CEP89: variants seen among roughly 807,000 people sequenced by gnomAD.
The protein encoded by CEP89 is centrosomal protein 89, also known as centrosomal protein of 89 kDa.
A neutral mutation model predicts 97.6 loss-of-function variants in CEP89; 95 were observed. The observed-to-expected ratio is 0.97, with a 90% CI of 0.82 to 1.15. CEP89 has a LOEUF of 1.15. Ranked by LOEUF, CEP89 falls within the 50% of genes most tolerant of loss-of-function variation. The probability of loss-of-function intolerance (pLI) is 0.00; values close to 1 mark genes in which losing one functional copy is unlikely to be tolerated. For missense variants in CEP89, 869 were observed against 947.7 expected (o/e 0.92, Z 1.09); for synonymous variants, 354 against 349.1 (o/e 1.01, Z -0.16).
intron 14 of CEP89, among the ~76,000 whole-genome samples, chr19:32,914,377 G>A (rs543256746): frequency 2.0e-5 from 3 of 151,896 alleles, no homozygotes; most frequent in East Asian, 1.9e-4. Flanking sequence ...CTGCAGCCTC[G>A]ATCTCCCATG....
intron 8 of CEP89, among the ~76,000 whole-genome samples, chr19:32,932,367 G>A (rs995959330): frequency 2.0e-5 from 3 of 151,500 alleles, no homozygotes; most frequent in African/African-American, 4.9e-5. Context: ...AATTATGCAG[G>A]GTCTATGTGA....
intron 5 of CEP89, among the ~76,000 whole-genome samples, chr19:32,940,577 T>G (rs7250603): frequency 0.36 from 54,046 of 152,008 alleles, 9,819 homozygotes; most frequent in Admixed American, 0.48. Context: ...CCTAGATGCA[T>G]CATCCAACCT....
intron 14 of CEP89, among the ~76,000 whole-genome samples, chr19:32,903,672 T>C (rs377168812): frequency 1.3e-5 from 2 of 152,174 alleles, no homozygotes; most frequent in Non-Finnish European, 2.9e-5. Context: ...CACTGTCTGA[T>C]TGAAGCCCAG....
chr19:32,899,279 T>A (rs1187472057), intron 16 of CEP89, among the ~76,000 whole-genome samples: 2 of 152,010 alleles, frequency 1.3e-5, no homozygotes, highest in African/African-American at 4.8e-5. Flanking sequence ...TACAGGTGCA[T>A]GCCACCATGC....
At chr19:32,916,119 A>C (rs2145908195) in intron 13 of CEP89, among the ~76,000 whole-genome samples, 1 of 151,792 alleles carries the variant, frequency 6.6e-6, no homozygotes, top group Non-Finnish European at 1.5e-5. Flanking sequence ...TCTACATAAA[A>C]ATTTAAAAAT....
intron 14 of CEP89, among the ~76,000 whole-genome samples, chr19:32,911,261 GC>G (rs1205084630): frequency 6.6e-6 from 1 of 152,204 alleles, no homozygotes; most frequent in African/African-American, 2.4e-5. Flanking sequence ...TTATGACACT[GC>G]CACAAAAACA....
Position 32,876,631 on chromosome 19 carries a change from C to G in CEP89, c.*2531G>C, listed in dbSNP as rs1969183321. 1 of 152,460 alleles carries G rather than the reference C, an allele frequency of 6.6e-6. No homozygotes were observed. The highest frequency in any genetic ancestry group is 2.1e-4 in the South Asian group (1 of 4,828). The allele number at this position is 152,460 out of a possible 1,614,324, so 9.4% of individuals were successfully genotyped here. On this transcript the variant is annotated 3_prime_UTR_variant, in exon 19 of 19. Transcript: ENST00000305768. Reference sequence around the variant, plus strand: ...CGTGCCAGTTCCTCCCAGAAGCACCCCAATGTTTCTGTCCTTTCCTGGAAT... The same window carrying G: ...CGTGCCAGTTCCTCCCAGAAGCACCGCAATGTTTCTGTCCTTTCCTGGAAT...
chr19:32,956,896 CTTAT>C (rs1329801708), intron 3 of CEP89, among the ~76,000 whole-genome samples: 2 of 152,088 alleles, frequency 1.3e-5, no homozygotes, highest in Admixed American at 6.6e-5. Flanking sequence ...ATTTCACAGT[CTTAT>C]TTGTGTGTCT....
chr19:32,939,835 T>A, intron 6 of CEP89, 22 bp downstream of exon 6: 1 of 1,104,206 alleles, frequency 9.1e-7, no homozygotes, highest in Non-Finnish European at 1.3e-6. Flanking sequence ...AGAAAATCAG[T>A]TTTTAAAAAA....
intron 14 of CEP89, among the ~76,000 whole-genome samples, chr19:32,904,226 G>A (rs900076943): frequency 6.6e-6 from 1 of 152,204 alleles, no homozygotes; most frequent in Non-Finnish European, 1.5e-5. Flanking sequence ...CTGAAAAACA[G>A]TGACAATGAA....
chr19:32,951,841 A>G (rs1465001868), intron 4 of CEP89, among the ~76,000 whole-genome samples: 1 of 152,196 alleles, frequency 6.6e-6, no homozygotes, highest in Non-Finnish European at 1.5e-5. Context: ...TAGCAAGGAA[A>G]GAGTCTCTGT....
At chr19:32,926,786 C>G in intron 10 of CEP89, 148 bp downstream of exon 10, 2 of 662,682 alleles carry the variant, frequency 3.0e-6, no homozygotes, top group South Asian at 3.7e-5. Flanking sequence ...GGTCTTGAAC[C>G]CTTGACCTCA....
intron 6 of CEP89, among the ~76,000 whole-genome samples, chr19:32,938,908 C>A (rs1332050905): frequency 1.3e-5 from 2 of 152,148 alleles, no homozygotes; most frequent in African/African-American, 4.8e-5. Context: ...CGAGACTGCG[C>A]CACTGCACTC....
At chr19:32,971,658 T>TAAAA (rs34358164) in intron 1 of CEP89, 178 bp downstream of exon 1, 5 of 590,606 alleles carry the variant, frequency 8.5e-6, no homozygotes, top group African/African-American at 6.1e-5. Context: ...CCCTGTTTCT[T>TAAAA]AAAAAAAAAA....
At chr19:32,919,946 G>A (rs533474277) in intron 12 of CEP89, among the ~76,000 whole-genome samples, 9 of 152,050 alleles carry the variant, frequency 5.9e-5, no homozygotes, top group East Asian at 1.9e-4. Flanking sequence ...ATGCCCAGCC[G>A]CATTTTGGAC....
chr19:32,885,439 G>A (rs1206258643), intron 17 of CEP89, among the ~76,000 whole-genome samples: 1 of 152,170 alleles, frequency 6.6e-6, no homozygotes, highest in Non-Finnish European at 1.5e-5. Context: ...TCCCACCTCA[G>A]CCTCCCGAGT....
chr19:32,878,747 A>C lies in CEP89; in HGVS notation c.*415T>G. ...CTTTGGGAGGCCAAGGCAGGAGGACAGATTGAGGCCAGGAGTTCAAGACCA... is the reference window on the plus strand; with the variant it reads ...CTTTGGGAGGCCAAGGCAGGAGGACCGATTGAGGCCAGGAGTTCAAGACCA... On this transcript the variant is annotated 3_prime_UTR_variant, in exon 19 of 19. Coordinates refer to ENST00000305768, the MANE Select transcript of CEP89 (RefSeq NM_032816.5). 6.4e-6 allele frequency: 1 copy of C among 156,810 alleles called. No homozygotes were observed. The highest frequency in any genetic ancestry group is 1.4e-5 in the Non-Finnish European group (1 of 71,188). 9.7% of individuals were successfully genotyped at this position (156,810 alleles called of 1,614,324 possible).
chr19:32,946,782 T>C (rs1970807080), intron 5 of CEP89, among the ~76,000 whole-genome samples: 1 of 152,152 alleles, frequency 6.6e-6, no homozygotes, highest in Non-Finnish European at 1.5e-5. Context: ...ATGTAAGATG[T>C]GCCTTTCACC....
intron 9 of CEP89, among the ~76,000 whole-genome samples, chr19:32,930,022 T>C (rs1970438566): frequency 1.6e-5 from 2 of 128,442 alleles, no homozygotes; most frequent in East Asian, 2.1e-4. Flanking sequence ...TTTTTTTTCC[T>C]TTTTTTTTTT....
Sources: allele counts gnomAD v4.1 joint callset (sites outside exome capture counted in the v4.1 genomes callset), GRCh38; gene constraint gnomAD v4.1.1; transcripts MANE v1.5; gene names NCBI Gene and HGNC (gene_info 2026-07-23, HGNC 2026-07-21).